The following STK32B variants were observed in gnomAD, a reference collection of about 807,000 sequenced individuals.
STK32B encodes serine/threonine-protein kinase 32B.
A neutral mutation model predicts 52.6 loss-of-function variants in STK32B; 43 were observed. The ratio of observed to expected loss-of-function variants is 0.82; its 90% CI spans 0.64 to 1.05. STK32B has a LOEUF of 1.05. STK32B is among the 50% of genes least tolerant of loss of function. The probability of loss-of-function intolerance (pLI) is 0.00; values close to 1 mark genes in which losing one functional copy is unlikely to be tolerated. For synonymous variants in STK32B, 238 were observed against 204.3 expected (o/e 1.17, Z -1.41); for missense variants, 621 against 534.6 (o/e 1.16, Z -1.59).
intron 2 of STK32B, among the ~76,000 whole-genome samples, chr4:5,159,993 C>G (rs942198239): frequency 1.3e-5 from 2 of 151,970 alleles, no homozygotes; most frequent in Admixed American, 1.3e-4. Context: ...TCATTCAGGC[C>G]TTCAACAGGT....
At chr4:5,043,075 C>T in the STK32B span, among the ~76,000 whole-genome samples, 4 of 147,844 alleles carry the variant, frequency 2.7e-5, no homozygotes, top group Non-Finnish European at 4.5e-5. Flanking sequence ...CACTGCAGTC[C>T]GCAGTCCGGC....
chr4:5,075,669 G>C (rs1166366653), intron 1 of STK32B, among the ~76,000 whole-genome samples: 1 of 151,926 alleles, frequency 6.6e-6, no homozygotes, highest in Non-Finnish European at 1.5e-5. Context: ...TAAAAAAATT[G>C]AAAAATTTAG....
chr4:5,409,183 G>A (rs1413788886), intron 5 of STK32B, among the ~76,000 whole-genome samples: 1 of 152,100 alleles, frequency 6.6e-6, no homozygotes, highest in Admixed American at 6.5e-5. Flanking sequence ...CAGCAGAATC[G>A]AAATCTCGGC....
At chr4:5,377,633 G>A (rs1376281598) in intron 4 of STK32B, among the ~76,000 whole-genome samples, 1 of 152,192 alleles carries the variant, frequency 6.6e-6, no homozygotes, top group African/African-American at 2.4e-5. Flanking sequence ...CGTGTCAAGG[G>A]AGGACCCAGG....
chr4:5,475,583 A>G lies in STK32B; in HGVS notation c.1106+7513A>G, dbSNP rs1240852721. 8.6e-5 allele frequency among the ~76,000 whole-genome samples: 13 copies of G among 151,698 alleles called. No individual in the cohort carries two copies. The East Asian group carries it at 2.6e-3, about 30-fold the overall frequency. On this transcript the variant is annotated intron_variant, in intron 11 of 11. Transcript: ENST00000282908. ...GCGTGGTGGTGCACGCCTGTAGTTC[A>G]GCTACCCAGGAGGCTGAGGCAGGAG...
chr4:5,234,650 G>C (rs1041372758), intron 3 of STK32B, among the ~76,000 whole-genome samples: 2 of 152,240 alleles, frequency 1.3e-5, no homozygotes, highest in Non-Finnish European at 2.9e-5. Flanking sequence ...CACTCTTACA[G>C]ACTTTGTTGT....
At chr4:5,461,828 C>T (rs1201352104) in intron 9 of STK32B, among the ~76,000 whole-genome samples, 1 of 152,228 alleles carries the variant, frequency 6.6e-6, no homozygotes, top group Non-Finnish European at 1.5e-5. Flanking sequence ...CCAGACCTGC[C>T]TAACCTTAGG....
At chr4:5,479,062 A>G (rs927433501) in intron 11 of STK32B, among the ~76,000 whole-genome samples, 1 of 143,580 alleles carries the variant, frequency 7.0e-6, no homozygotes, top group Non-Finnish European at 1.5e-5. Flanking sequence ...AATCCCGGGG[A>G]GTTTTTTCTT....
chr4:5,374,820 A>T (rs553744408), intron 4 of STK32B, among the ~76,000 whole-genome samples: 3 of 152,294 alleles, frequency 2.0e-5, no homozygotes. Flanking sequence ...CAGTGAGCAT[A>T]AAAATAAATA....
At chr4:5,098,696 C>G (rs986110345) in intron 1 of STK32B, among the ~76,000 whole-genome samples, 2 of 152,204 alleles carry the variant, frequency 1.3e-5, no homozygotes, top group Non-Finnish European at 2.9e-5. Flanking sequence ...GTTTCTGAAA[C>G]CAAAAACTCT....
the STK32B span, among the ~76,000 whole-genome samples, chr4:5,045,519 A>G: frequency 1.3e-5 from 2 of 152,146 alleles, no homozygotes; most frequent in African/African-American, 4.8e-5. Context: ...GGCCATTTTT[A>G]TGATATTGAT....
rs116287190 is a variant in STK32B, at chr4:5,066,548, A to G, written c.52+14633A>G. Among the ~76,000 whole-genome samples, 910 of 152,276 alleles carry G rather than the reference A, an allele frequency of 6.0e-3. 9 individuals are homozygous for G. Among genetic ancestry groups the G allele is most frequent in the African/African-American group, 0.019 (770 of 41,554 alleles). On this transcript the variant is annotated intron_variant, in intron 1 of 11. Transcript: ENST00000282908. ...TGTAATACATCCTTCAGAACCCTGT[A>G]TGGTCTAAAACCTGCCCAGCTCTCC... is the stretch of plus-strand genomic sequence containing the variant.
intron 3 of STK32B, among the ~76,000 whole-genome samples, chr4:5,232,964 C>T (rs1724377209): frequency 6.6e-6 from 1 of 152,176 alleles, no homozygotes; most frequent in Non-Finnish European, 1.5e-5. Context: ...CACACAGCTC[C>T]CTTTGTCCCT....
chr4:5,068,322 C>G (rs1560134948), intron 1 of STK32B, among the ~76,000 whole-genome samples: 2 of 152,182 alleles, frequency 1.3e-5, no homozygotes, highest in African/African-American at 4.8e-5. Flanking sequence ...TAATACCACT[C>G]TGTAAGCCTT....
At chr4:5,138,761 G>A (rs372314542) in intron 1 of STK32B, among the ~76,000 whole-genome samples, 6 of 152,328 alleles carry the variant, frequency 3.9e-5, no homozygotes, top group East Asian at 3.9e-4. Context: ...GGAGCCAGAC[G>A]TAGTCTGGAG....
chr4:5,215,894 G>C (rs749575205), intron 3 of STK32B, among the ~76,000 whole-genome samples: 4 of 152,128 alleles, frequency 2.6e-5, no homozygotes, highest in African/African-American at 9.7e-5. Flanking sequence ...CCACAATTAG[G>C]TGCCTGTGGT....
chr4:5,184,359 T>C (rs563817638), intron 3 of STK32B, among the ~76,000 whole-genome samples: 19 of 152,148 alleles, frequency 1.2e-4, no homozygotes, highest in Non-Finnish European at 2.1e-4. Context: ...ACAACATTTA[T>C]TGATTACATT....
chr4:5,174,889 C>T (rs1348377567), intron 3 of STK32B, among the ~76,000 whole-genome samples: 1 of 152,214 alleles, frequency 6.6e-6, no homozygotes, highest in Non-Finnish European at 1.5e-5. Flanking sequence ...TAATATCCTG[C>T]AGAGTGTTTT....
At chr4:5,163,685 C>G (rs1264492643) in intron 2 of STK32B, among the ~76,000 whole-genome samples, 4 of 152,060 alleles carry the variant, frequency 2.6e-5, no homozygotes, top group East Asian at 1.9e-4. Flanking sequence ...GGCTTTAAGT[C>G]TTTGATTTTT....
Sources: gnomAD v4.1 joint callset for allele counts (sites outside exome capture counted in the v4.1 genomes callset) on GRCh38, gnomAD v4.1.1 for gene constraint, MANE v1.5 for transcripts, NCBI Gene and HGNC (gene_info 2026-07-23, HGNC 2026-07-21) for gene names.